The following RANBP17 variants were observed in gnomAD, a reference collection of about 807,000 sequenced individuals.
RANBP17 encodes the protein RAN binding protein 17, also known as ran-binding protein 17.
In RANBP17, 158 loss-of-function variants were observed where a neutral mutation model predicts 141.2. That is an observed-to-expected ratio of 1.12 (90% CI 0.98 to 1.28). The LOEUF is 1.28. RANBP17 is among the 50% of genes most tolerant of loss of function. The pLI, the probability that RANBP17 is intolerant of heterozygous loss-of-function variation, is 0.00. For synonymous variants in RANBP17, 430 were observed against 450.0 expected (o/e 0.96, Z 0.56); for missense variants, 1,438 against 1,290.7 (o/e 1.11, Z -1.75).
At chr5:171,061,824 T>G (rs1289784058) in intron 14 of RANBP17, among the ~76,000 whole-genome samples, 1 of 152,234 alleles carries the variant, frequency 6.6e-6, no homozygotes, top group African/African-American at 2.4e-5. Context: ...CACTCAGGAC[T>G]TGCTTTATGA....
intron 14 of RANBP17, among the ~76,000 whole-genome samples, chr5:170,974,018 C>T (rs1480564986): frequency 9.9e-5 from 15 of 152,186 alleles, no homozygotes; most frequent in Non-Finnish European, 2.2e-4. Context: ...CAGACCATAG[C>T]ATTTCACATT....
intron 14 of RANBP17, among the ~76,000 whole-genome samples, chr5:171,016,966 A>G (rs1780480779): frequency 8.0e-6 from 1 of 125,416 alleles, no homozygotes; most frequent in Admixed American, 1.2e-4. Flanking sequence ...ATGTTTTCTC[A>G]TTGTTCAACT....
intron 12 of RANBP17, among the ~76,000 whole-genome samples, chr5:170,928,363 TTTCACTTTTTTC>T (rs1773093052): frequency 6.6e-6 from 1 of 152,146 alleles, no homozygotes; most frequent in African/African-American, 2.4e-5. Flanking sequence ...TGGTCTACTT[TTTCACTTTTTTC>T]TTTATGGCTT....
intron 14 of RANBP17, chr5:171,158,312 T>C (rs1759047019): frequency 1.6e-5 from 3 of 181,888 alleles, no homozygotes; most frequent in East Asian, 9.0e-5. Flanking sequence ...GGCATACTTA[T>C]TGGAATTTTG....
intron 14 of RANBP17, among the ~76,000 whole-genome samples, chr5:171,058,096 T>C (rs1233373007): frequency 1.3e-5 from 2 of 152,184 alleles, no homozygotes; most frequent in Non-Finnish European, 2.9e-5. Context: ...TGACATTTTC[T>C]GTATCCATCA....
At chr5:170,952,167 A>G (rs1472153492) in intron 12 of RANBP17, among the ~76,000 whole-genome samples, 1 of 152,070 alleles carries the variant, frequency 6.6e-6, no homozygotes, top group Non-Finnish European at 1.5e-5. Flanking sequence ...ATAGACTTTT[A>G]TATTGACCCT....
intron 14 of RANBP17, among the ~76,000 whole-genome samples, chr5:171,022,333 G>A (rs189554626): frequency 1.3e-5 from 2 of 152,216 alleles, no homozygotes; most frequent in African/African-American, 2.4e-5. Flanking sequence ...GGTGGGGTGT[G>A]CTTCACTGGG....
intron 18 of RANBP17, among the ~76,000 whole-genome samples, chr5:171,197,371 A>G (rs947248163): frequency 4.6e-5 from 7 of 152,174 alleles, no homozygotes; most frequent in African/African-American, 1.4e-4. Context: ...ACCCTCAATG[A>G]TAAGTATTTT....
chr5:170,873,122 ACTGGT>A (rs1033612764), intron 1 of RANBP17, among the ~76,000 whole-genome samples: 11 of 151,978 alleles, frequency 7.2e-5, no homozygotes, highest in African/African-American at 2.7e-4. Flanking sequence ...CGTTGGCCAG[ACTGGT>A]CTTGAACTAT....
chr5:170,940,161 A>C (rs1030478624), intron 12 of RANBP17, among the ~76,000 whole-genome samples: 1 of 152,188 alleles, frequency 6.6e-6, no homozygotes, highest in African/African-American at 2.4e-5. Context: ...CAAAACATTA[A>C]AACATGGAAA....
intron 14 of RANBP17, among the ~76,000 whole-genome samples, chr5:171,081,555 T>C (rs1007176610): frequency 6.6e-6 from 1 of 152,202 alleles, no homozygotes; most frequent in African/African-American, 2.4e-5. Flanking sequence ...GCTGTTTAAT[T>C]TGTACATATC....
chr5:171,073,460 T>G (rs986289377), intron 14 of RANBP17, among the ~76,000 whole-genome samples: 1 of 152,144 alleles, frequency 6.6e-6, no homozygotes, highest in Non-Finnish European at 1.5e-5. Flanking sequence ...TGTGGGTGTT[T>G]AGAGCCAAGT....
At chr5:170,992,569 T>G (rs957081734) in intron 14 of RANBP17, among the ~76,000 whole-genome samples, 3 of 152,072 alleles carry the variant, frequency 2.0e-5, no homozygotes, top group African/African-American at 2.4e-5. Context: ...AGTTGTAAAC[T>G]ATAAAGCATT....
intron 24 of RANBP17, chr5:171,252,973 C>A: frequency 7.0e-7 from 1 of 1,421,942 alleles, no homozygotes; most frequent in Non-Finnish European, 9.9e-7. Context: ...CCTTTTCTAT[C>A]AGTCTCGGGA....
At chr5:171,106,839 A>G (rs1440292188) in intron 14 of RANBP17, among the ~76,000 whole-genome samples, 1 of 152,076 alleles carries the variant, frequency 6.6e-6, no homozygotes, top group African/African-American at 2.4e-5. Flanking sequence ...AAATATTGCT[A>G]ATCACTGACA....
intron 14 of RANBP17, among the ~76,000 whole-genome samples, chr5:170,990,173 ATAAT>A (rs1395074629): frequency 2.0e-5 from 3 of 151,852 alleles, no homozygotes; most frequent in Non-Finnish European, 1.5e-5. Flanking sequence ...TATGGTATCA[ATAAT>A]TATTCTCCAA....
chr5:170,934,897 T>C (rs901650816), intron 12 of RANBP17, among the ~76,000 whole-genome samples: 1 of 152,084 alleles, frequency 6.6e-6, no homozygotes, highest in East Asian at 1.9e-4. Context: ...TCCTGAAGAG[T>C]GGTTTCCAAC....
intron 18 of RANBP17, among the ~76,000 whole-genome samples, chr5:171,190,115 T>C (rs1422307570): frequency 1.3e-5 from 2 of 152,196 alleles, no homozygotes; most frequent in Non-Finnish European, 2.9e-5. Flanking sequence ...AACATTCTAA[T>C]TGAATCCTAC....
intron 2 of RANBP17, among the ~76,000 whole-genome samples, chr5:170,879,211 C>T (rs1376214523): frequency 6.6e-6 from 1 of 152,122 alleles, no homozygotes; most frequent in South Asian, 2.1e-4. Flanking sequence ...AATATCAGTC[C>T]ATGAGCATAT....
Sources: gnomAD v4.1 joint callset for allele counts (sites outside exome capture counted in the v4.1 genomes callset) on GRCh38, gnomAD v4.1.1 for gene constraint, MANE v1.5 for transcripts, NCBI Gene and HGNC (gene_info 2026-07-23, HGNC 2026-07-21) for gene names.